The following ABCA12 variants were observed in gnomAD, a reference collection of about 807,000 sequenced individuals.
ABCA12 encodes the protein glucosylceramide transporter ABCA12.
In ABCA12, 156 loss-of-function variants were observed where a neutral mutation model predicts 293.5. The observed-to-expected ratio is 0.53, with a 90% CI of 0.47 to 0.61. The LOEUF is 0.61. Ranked by LOEUF, ABCA12 falls within the 20% of genes least tolerant of loss-of-function variation. ABCA12 has a pLI of 0.00. For synonymous variants in ABCA12, 1,063 were observed against 1,108.0 expected (o/e 0.96, Z 0.81); for missense variants, 2,797 against 3,090.2 (o/e 0.91, Z 2.25).
intron 14 of ABCA12, among the ~76,000 whole-genome samples, chr2:215,016,013 G>A (rs1429093110): frequency 2.0e-5 from 3 of 151,532 alleles, no homozygotes; most frequent in African/African-American, 4.8e-5. Context: ...GCGTGGTGGC[G>A]GGCGCCTGTA....
chr2:215,016,100 C>T (rs934276095), intron 14 of ABCA12, among the ~76,000 whole-genome samples: 2 of 150,056 alleles, frequency 1.3e-5, no homozygotes, highest in South Asian at 2.1e-4. Flanking sequence ...GCTGAGATTG[C>T]GCCATTGCAC....
In ABCA12 at chr2:215,019,427, T is replaced by C. The variant is rs758936440; in HGVS notation, c.1566A>G (p.Gln522=). Reference sequence around the variant, plus strand: ...GAGTGATATTTTCCAAGTAATTCATTTGCAGTGCCTGTTCTAGAAACCTGG... The same window carrying C: ...GAGTGATATTTTCCAAGTAATTCATCTGCAGTGCCTGTTCTAGAAACCTGG... ...NMDQFLEQAL[Q]MNYLENITQL... is the part of the protein sequence containing the mutation. The change falls in exon 13 of 53, where the codon CAA becomes CAG. Residue 522 remains glutamine (Q), a synonymous_variant. Coordinates refer to ENST00000272895, the MANE Select transcript of ABCA12 (RefSeq NM_173076.3). 2 of 1,614,048 alleles carry C rather than the reference T, an allele frequency of 1.2e-6. No homozygotes were observed. The highest frequency in any genetic ancestry group is 2.2e-5 in the South Asian group (2 of 91,082).
chr2:214,968,483 G>A (rs765036753), intron 38 of ABCA12, among the ~76,000 whole-genome samples: 29 of 151,982 alleles, frequency 1.9e-4, no homozygotes, highest in Non-Finnish European at 3.5e-4. Flanking sequence ...TTTGGGTTGC[G>A]TTTTTGGCTA....
intron 47 of ABCA12, chr2:214,947,795 C>A (rs1263208529): frequency 5.8e-6 from 3 of 517,008 alleles, no homozygotes; most frequent in Non-Finnish European, 1.0e-5. Flanking sequence ...CCCTCCCCCA[C>A]CAAACGTGTG....
At position 215,011,973 on chromosome 2, in the gene ABCA12, G is replaced by C. The variant is rs781261858; in HGVS notation, c.2119C>G (p.Gln707Glu). 5.0e-6 allele frequency: 8 copies of C among 1,612,582 alleles called. No homozygotes were observed. Among genetic ancestry groups the C allele is most frequent in the Non-Finnish European group, 6.8e-6 (8 of 1,179,618 alleles). ...MHLPRSVPLT[Q>E]AMYRSNRMNT... ...ACATTACTGGGTGACTTTGCTACCT[G>C]TGTTAATGGAACACTTCTGGGCAGA... is the stretch of plus-strand genomic sequence containing the variant. The change falls in exon 16 of 53, where the codon CAG (glutamine) becomes GAG (glutamate). Residue 707 changes from glutamine to glutamate, a missense_variant and splice_region_variant. Transcript: ENST00000272895.
intron 28 of ABCA12, 76 bp from the exon 29 acceptor site, chr2:214,983,941 T>C: frequency 1.5e-6 from 2 of 1,325,472 alleles, no homozygotes; most frequent in Non-Finnish European, 2.1e-6. Context: ...ATATCTCAGT[T>C]GTTAGAAGGA....
Position 214,955,238 on chromosome 2 carries a change from C to T in ABCA12, c.6357G>A (p.Val2119=), listed in dbSNP as rs1393258466. ...FGINSIVSLS[V]VYFLSKEKPN... is the part of the protein sequence containing the mutation. ...GCTTTTCCTTGGAAAGAAAGTATACCACTGACAGGGAAACAATGGAATTAA... is the reference window on the plus strand; with the variant it reads ...GCTTTTCCTTGGAAAGAAAGTATACTACTGACAGGGAAACAATGGAATTAA... Residue 2119 remains valine, a synonymous_variant, in exon 43 of 53, where the codon GTG becomes GTA. Transcript: ENST00000272895. The T allele has an allele frequency of 6.2e-7, 1 of 1,613,870 alleles. No homozygotes were observed. The highest frequency in any genetic ancestry group is 8.5e-7 in the Non-Finnish European group (1 of 1,179,978).
rs181919933 is a variant in ABCA12, at chr2:215,073,708, A to G, written c.164-9489T>C. On this transcript the variant is annotated intron_variant, in intron 2 of 52. Coordinates refer to ENST00000272895, the MANE Select transcript of ABCA12 (RefSeq NM_173076.3). ...GCCACTGCATCTGTTCTGATTGAGG[A>G]GGGAAGTGCTGTGCTCATAGTTAAC... Among the ~76,000 whole-genome samples the G allele has an allele frequency of 1.2e-4, 19 of 152,296 alleles. No homozygotes were observed. In the East Asian group the frequency reaches 3.3e-3, roughly 26 times the overall value.
chr2:214,979,865 A>G (rs1196241871), intron 31 of ABCA12, among the ~76,000 whole-genome samples: 1 of 152,182 alleles, frequency 6.6e-6, no homozygotes, highest in Admixed American at 6.5e-5. Flanking sequence ...GTAGTTGAAA[A>G]CTTCCTAATA....
chr2:214,942,391 C>A (rs1331687806), intron 50 of ABCA12, among the ~76,000 whole-genome samples: 1 of 152,142 alleles, frequency 6.6e-6, no homozygotes, highest in African/African-American at 2.4e-5. Flanking sequence ...TGTATAAATG[C>A]ATATACACTC....
At chr2:215,019,934 G>C in intron 11 of ABCA12, 138 bp from the exon 12 acceptor site, 1 of 1,067,636 alleles carries the variant, frequency 9.4e-7, no homozygotes, top group African/African-American at 1.6e-5. Flanking sequence ...GGCATTTGGC[G>C]TTAGTTTTAT....
At chr2:215,040,262 A>T (rs1701071710) in intron 7 of ABCA12, among the ~76,000 whole-genome samples, 1 of 152,214 alleles carries the variant, frequency 6.6e-6, no homozygotes, top group African/African-American at 2.4e-5. Flanking sequence ...CTATTCTATC[A>T]AAAAGGCAAA....
At chr2:215,032,545 C>T (rs1025569666) in intron 8 of ABCA12, 4 of 152,548 alleles carry the variant, frequency 2.6e-5, no homozygotes, top group African/African-American at 7.2e-5. Flanking sequence ...TGAGTTACCC[C>T]CAGAAGTTAA....
intron 2 of ABCA12, among the ~76,000 whole-genome samples, chr2:215,079,872 A>G (rs1467500107): frequency 6.6e-6 from 1 of 152,244 alleles, no homozygotes; most frequent in Non-Finnish European, 1.5e-5. Flanking sequence ...AAAAAGCTGA[A>G]AAGAAATTAA....
intron 33 of ABCA12, 87 bp downstream of exon 33, chr2:214,978,229 A>C: frequency 2.0e-6 from 3 of 1,510,230 alleles, no homozygotes; most frequent in Non-Finnish European, 2.7e-6. Context: ...TTTAGAGTTG[A>C]ATTTTTAAAA....
At chr2:215,041,104 G>A (rs764466599) in intron 7 of ABCA12, among the ~76,000 whole-genome samples, 7 of 151,760 alleles carry the variant, frequency 4.6e-5, no homozygotes, top group Non-Finnish European at 1.0e-4. Flanking sequence ...TGAAGGAAAT[G>A]TATATGTTAA....
At position 215,064,127 on chromosome 2, in the gene ABCA12, G is replaced by T. The variant is rs1286189545; in HGVS notation, c.256C>A (p.Pro86Thr). 1 of 1,612,818 alleles carries T rather than the reference G, an allele frequency of 6.2e-7. No individual in the cohort carries two copies. Among genetic ancestry groups the T allele is most frequent in the Non-Finnish European group, 8.5e-7 (1 of 1,179,264 alleles). ...CGAAGCAGATCTTGTGGGCCATAGG[G>T]TGTGTCTTTGCATTTAGAGTCTGTG... is the stretch of plus-strand genomic sequence containing the variant. Reference protein sequence around the residue: ...CDTDSKCKDTPYGPQDLLRRK... With the variant: ...CDTDSKCKDTTYGPQDLLRRK... The change falls in exon 3 of 53, where the codon CCC becomes ACC. Residue 86 changes from proline to threonine, a missense_variant. Pro to Thr is a conservative substitution (Grantham distance 38). Around this residue, in one of 3 missense-constraint regions of ABCA12, gnomAD observed 656 missense variants for 638.2 expected, o/e 1.03. Coordinates refer to ENST00000272895, the MANE Select transcript of ABCA12 (RefSeq NM_173076.3).
intron 38 of ABCA12, 140 bp downstream of exon 38, chr2:214,968,580 T>C (rs1334961804): frequency 5.2e-6 from 4 of 769,836 alleles, no homozygotes; most frequent in Non-Finnish European, 8.9e-6. Context: ...ATACACAGAA[T>C]TGGAACCACT....
chr2:215,015,798 A>T, intron 14 of ABCA12, 135 bp from the exon 15 acceptor site: 1 of 759,640 alleles, frequency 1.3e-6, no homozygotes, highest in Non-Finnish European at 2.2e-6. Flanking sequence ...CTTTTCATCT[A>T]AAGCACTAAT....
Sources: gnomAD v4.1 joint callset for allele counts (sites outside exome capture counted in the v4.1 genomes callset) on GRCh38, gnomAD v4.1.1 for gene constraint, gnomAD v4.1.1 regional missense constraint, MANE v1.5 for transcripts, NCBI Gene and HGNC (gene_info 2026-07-23, HGNC 2026-07-21) for gene names.